The following CDC14B variants were observed in gnomAD, a reference collection of about 807,000 sequenced individuals.
CDC14B encodes the protein cell division cycle 14B.
CDC14B carries 22 observed loss-of-function variants against 64.2 expected under a neutral mutation model. The ratio of observed to expected loss-of-function variants is 0.34; its 90% CI spans 0.24 to 0.49. The LOEUF (loss-of-function observed/expected upper bound fraction) is 0.49, where lower values mean the gene tolerates loss of function less well. Ranked by LOEUF, CDC14B falls within the 20% of genes least tolerant of loss-of-function variation. The pLI, the probability that CDC14B is intolerant of heterozygous loss-of-function variation, is 0.99. For synonymous variants in CDC14B, 191 were observed against 215.8 expected (o/e 0.89, Z 1.01); for missense variants, 498 against 629.9 (o/e 0.79, Z 2.24).
At chr9:96,504,423 G>GA (rs970678053) in intron 13 of CDC14B, among the ~76,000 whole-genome samples, 86 of 152,286 alleles carry the variant, frequency 5.6e-4, no homozygotes, top group African/African-American at 1.8e-3. Context: ...ATAAGAGTCA[G>GA]AAAAACCACT....
chr9:96,619,168 G>T, intron 1 of CDC14B, 51 bp downstream of exon 1: 1 of 1,214,196 alleles, frequency 8.2e-7, no homozygotes. Flanking sequence ...CCAGGGCCCC[G>T]CGCCGGGTGC....
At chr9:96,552,368 T>G (rs16911240) in intron 4 of CDC14B, among the ~76,000 whole-genome samples, 3,926 of 152,348 alleles carry the variant, frequency 0.026, 155 homozygotes, top group African/African-American at 0.087. Flanking sequence ...TGCACTTGTT[T>G]TCGACGCTCA....
chr9:96,517,722 G>A (rs904940258), intron 12 of CDC14B, among the ~76,000 whole-genome samples: 6 of 150,620 alleles, frequency 4.0e-5, no homozygotes, highest in Admixed American at 6.6e-5. Context: ...CTGGAGTGCA[G>A]TGGCGTTATC....
chr9:96,508,829 C>T (rs917043363), intron 13 of CDC14B, among the ~76,000 whole-genome samples: 5 of 152,138 alleles, frequency 3.3e-5, no homozygotes, highest in African/African-American at 9.7e-5. Context: ...CCCAAAGCCT[C>T]GGATATACAT....
intron 1 of CDC14B, among the ~76,000 whole-genome samples, chr9:96,593,519 G>C (rs578027285): frequency 8.0e-5 from 12 of 149,318 alleles, no homozygotes; most frequent in African/African-American, 2.5e-4. Context: ...GCCATACCAT[G>C]TTTGTGAACA....
rs78112869 is a variant in CDC14B, at chr9:96,493,556, C to G, written c.*81-304G>C. Among the ~76,000 whole-genome samples, 288 of 152,336 alleles carry G rather than the reference C, an allele frequency of 1.9e-3. 1 individual carries two copies. The highest frequency in any genetic ancestry group is 6.5e-3 in the African/African-American group (272 of 41,562). Reference sequence around the variant, plus strand: ...ATACAGATAAAAGTGCAAAACTAGACTGGGCATGGTGGCCCACACCTGTAA... The same window carrying G: ...ATACAGATAAAAGTGCAAAACTAGAGTGGGCATGGTGGCCCACACCTGTAA... On this transcript the variant is annotated intron_variant and NMD_transcript_variant, in intron 13 of 13. Coordinates refer to the CDC14B transcript ENST00000474602.
At chr9:96,594,796 G>C (rs147765636) in intron 1 of CDC14B, among the ~76,000 whole-genome samples, 1 of 151,516 alleles carries the variant, frequency 6.6e-6, no homozygotes, top group African/African-American at 2.4e-5. Context: ...TGGCATGAGT[G>C]CTTGTTCTCA....
At chr9:96,553,275 GCATTTCACCAATTTTCTGACTCAAGACT>G (rs1842061835) in intron 4 of CDC14B, among the ~76,000 whole-genome samples, 1 of 151,870 alleles carries the variant, frequency 6.6e-6, no homozygotes, top group Non-Finnish European at 1.5e-5. Context: ...CTTCCAAAGG[GCATTTCACCAATTTTCTGACTCAAGACT>G]CATAAACGGA....
chr9:96,608,892 GACACACAC>G (rs59953256), intron 1 of CDC14B, among the ~76,000 whole-genome samples: 3,216 of 144,646 alleles, frequency 0.022, 49 homozygotes, highest in Middle Eastern at 0.039. Flanking sequence ...TTAAAACACA[GACACACAC>G]ACACACACAC....
At chr9:96,589,508 T>C (rs1365239988) in intron 1 of CDC14B, among the ~76,000 whole-genome samples, 1 of 152,208 alleles carries the variant, frequency 6.6e-6, no homozygotes, top group African/African-American at 2.4e-5. Flanking sequence ...GTCAGGTGTA[T>C]GCACTTATTT....
chr9:96,507,266 G>A (rs566290372), intron 13 of CDC14B, among the ~76,000 whole-genome samples: 5 of 141,182 alleles, frequency 3.5e-5, no homozygotes, highest in East Asian at 2.1e-4. Flanking sequence ...GCAGTGAGCC[G>A]AGAAAACACT....
chr9:96,594,103 AC>A (rs1845930109), intron 1 of CDC14B, among the ~76,000 whole-genome samples: 1 of 152,216 alleles, frequency 6.6e-6, no homozygotes, highest in Non-Finnish European at 1.5e-5. Context: ...AATACATTAT[AC>A]GTTTTTCAAG....
At chr9:96,565,607 G>A in intron 1 of CDC14B, 124 bp from the exon 2 acceptor site, 2 of 732,458 alleles carry the variant, frequency 2.7e-6, no homozygotes, top group Non-Finnish European at 2.5e-6. Context: ...CAGATGGTAG[G>A]AGTGGTAATG....
At chr9:96,565,221 AG>A (rs1325573728) in intron 2 of CDC14B, among the ~76,000 whole-genome samples, 171 bp downstream of exon 2, 27 of 147,682 alleles carry the variant, frequency 1.8e-4, no homozygotes, top group South Asian at 8.4e-4. Flanking sequence ...AAATTTAGGG[AG>A]GTTTTTTTTT....
chr9:96,508,062 C>CTGGA (rs1465722129), intron 13 of CDC14B, among the ~76,000 whole-genome samples: 1 of 151,676 alleles, frequency 6.6e-6, no homozygotes, highest in Non-Finnish European at 1.5e-5. Flanking sequence ...GTCGCCCAGG[C>CTGGA]TGGAGTACAG....
intron 1 of CDC14B, among the ~76,000 whole-genome samples, chr9:96,589,269 G>A (rs1269105452): frequency 6.6e-6 from 1 of 151,824 alleles, no homozygotes; most frequent in Non-Finnish European, 1.5e-5. Context: ...AACCTGGGAG[G>A]TACAGGCTGC....
chr9:96,507,284 T>C (rs1379049085), intron 13 of CDC14B, among the ~76,000 whole-genome samples: 7 of 129,328 alleles, frequency 5.4e-5, no homozygotes, highest in Non-Finnish European at 1.1e-4. Flanking sequence ...ACTACTGCTC[T>C]CCAGCCTGGG....
intron 1 of CDC14B, among the ~76,000 whole-genome samples, chr9:96,581,275 AAAG>A (rs1230682167): frequency 1.3e-5 from 2 of 151,918 alleles, no homozygotes; most frequent in Non-Finnish European, 2.9e-5. Flanking sequence ...AATGAAGCAC[AAAG>A]AAGAAAATAA....
chr9:96,564,407 C>T (rs1183795811), intron 3 of CDC14B, among the ~76,000 whole-genome samples: 1 of 152,102 alleles, frequency 6.6e-6, no homozygotes, highest in Non-Finnish European at 1.5e-5. Flanking sequence ...TATCACTCCC[C>T]ATCAAAATGA....
Sources: allele counts gnomAD v4.1 joint callset (sites outside exome capture counted in the v4.1 genomes callset), GRCh38; gene constraint gnomAD v4.1.1; transcripts MANE v1.5; gene names NCBI Gene and HGNC (gene_info 2026-07-23, HGNC 2026-07-21).